The following PARP12 variants were observed in gnomAD, a reference collection of about 807,000 sequenced individuals.
The protein encoded by PARP12 is protein mono-ADP-ribosyltransferase PARP12.
PARP12 carries 59 observed loss-of-function variants against 72.4 expected under a neutral mutation model. The ratio of observed to expected loss-of-function variants is 0.81; its 90% CI spans 0.66 to 1.01. PARP12 has a LOEUF of 1.01. Ranked by LOEUF, PARP12 falls within the 50% of genes least tolerant of loss-of-function variation. PARP12 has a pLI of 0.00. For synonymous variants in PARP12, 403 were observed against 371.4 expected (o/e 1.09, Z -0.98); for missense variants, 851 against 914.0 (o/e 0.93, Z 0.89).
chr7:140,026,191 C>CCTTA lies in PARP12; in HGVS notation c.1780+2_1780+5dup, dbSNP rs1569526280. 6.2e-7 allele frequency: 1 copy of CCTTA among 1,614,142 alleles called. No individual in the cohort carries two copies. The highest frequency in any genetic ancestry group is 8.5e-7 in the Non-Finnish European group (1 of 1,180,026). Reference sequence around the variant, plus strand: ...GTTTTGCTGGTGGAGGCCAGTCATGCCTTACCCTTGCCGTAGGAAGTGCCA... The same window carrying CCTTA: ...GTTTTGCTGGTGGAGGCCAGTCATGCCTTACTTACCCTTGCCGTAGGAAGTGCCA... On this transcript the variant is annotated splice_donor_region_variant and intron_variant, in intron 11 of 11. Transcript: ENST00000263549.
At chr7:140,033,256 G>A (rs2116534860) in intron 8 of PARP12, 2 of 985,400 alleles carry the variant, frequency 2.0e-6, no homozygotes, top group African/African-American at 3.5e-5. Flanking sequence ...TACTTTGCTA[G>A]GTCTGACTCA....
intron 1 of PARP12, among the ~76,000 whole-genome samples, chr7:140,061,063 C>T (rs1314013523): frequency 6.6e-6 from 1 of 152,226 alleles, no homozygotes; most frequent in Non-Finnish European, 1.5e-5. Flanking sequence ...TCTCATCACA[C>T]CGTCACCAGC....
chr7:140,048,295 T>C (rs1050606855), intron 4 of PARP12, among the ~76,000 whole-genome samples: 8 of 152,264 alleles, frequency 5.3e-5, no homozygotes, highest in African/African-American at 1.9e-4. Flanking sequence ...ATGTTCCTCC[T>C]GGGCAGCCAG....
At chr7:140,030,970 T>C (rs562833373) in intron 8 of PARP12, among the ~76,000 whole-genome samples, 1 of 152,096 alleles carries the variant, frequency 6.6e-6, no homozygotes, top group East Asian at 1.9e-4. Flanking sequence ...ACTTTCAGAG[T>C]ATAAAATAAT....
Position 140,024,135 on chromosome 7 carries a change from G to C in PARP12, c.*425C>G, listed in dbSNP as rs1356855946. The C allele has an allele frequency of 6.9e-6, 2 of 290,554 alleles. No individual in the cohort carries two copies. Among genetic ancestry groups the C allele is most frequent in the African/African-American group, 2.2e-5 (1 of 45,132 alleles). 18.0% of individuals were successfully genotyped at this position (290,554 alleles called of 1,614,324 possible). A position where few individuals can be genotyped will look rare whatever the true frequency, so the allele number is the denominator to read the frequency against. On this transcript the variant is annotated 3_prime_UTR_variant, in exon 12 of 12. Coordinates refer to ENST00000263549, the MANE Select transcript of PARP12 (RefSeq NM_022750.4). Reference sequence around the variant, plus strand: ...GAAGTGACTGTGCCGCCCGTGGGCTGTCATCCACCGGTGGCTACTGTGTCA... The same window carrying C: ...GAAGTGACTGTGCCGCCCGTGGGCTCTCATCCACCGGTGGCTACTGTGTCA...
intron 8 of PARP12, 59 bp from the exon 9 acceptor site, chr7:140,028,747 C>A: frequency 7.0e-7 from 1 of 1,427,322 alleles, no homozygotes; most frequent in African/African-American, 1.4e-5. Context: ...GCAAATATAC[C>A]ATAGGTGGTC....
intron 4 of PARP12, among the ~76,000 whole-genome samples, chr7:140,052,159 T>G (rs964749832): frequency 3.9e-5 from 6 of 152,206 alleles, no homozygotes; most frequent in Non-Finnish European, 8.8e-5. Flanking sequence ...CCATTCAAAG[T>G]TCTGCTCTTG....
chr7:140,026,769 G>C (rs1200775692), intron 10 of PARP12, among the ~76,000 whole-genome samples: 2 of 152,088 alleles, frequency 1.3e-5, no homozygotes, highest in Admixed American at 6.5e-5. Flanking sequence ...ACTGTGCACA[G>C]AGTACACATT....
At chr7:140,035,999 GAGA>G (rs1251185705) in intron 7 of PARP12, among the ~76,000 whole-genome samples, 1,251 of 36,630 alleles carry the variant, frequency 0.034, 209 homozygotes, top group African/African-American at 0.054. Context: ...GGAGGAGGAG[GAGA>G]AGGAGGAGAA....
chr7:140,038,018 G>T, intron 6 of PARP12, 162 bp from the exon 7 acceptor site: 3 of 985,458 alleles, frequency 3.0e-6, no homozygotes, highest in Non-Finnish European at 3.6e-6. Context: ...GAGAGGCACA[G>T]AATGGAGGCA....
Position 140,062,899 on chromosome 7 carries a change from G to A in PARP12, c.-52C>T, listed in dbSNP as rs1817536973. On this transcript the variant is annotated 5_prime_UTR_variant, in exon 1 of 12. Transcript: ENST00000263549. ...CGCGGGTGGCGCGACGCGGACGGCGGCGGACGCTGGCTGGCGGGCGGCTCT... is the reference window on the plus strand; with the variant it reads ...CGCGGGTGGCGCGACGCGGACGGCGACGGACGCTGGCTGGCGGGCGGCTCT... 1.6e-6 allele frequency: 2 copies of A among 1,217,684 alleles called. No individual in the cohort carries two copies. The highest frequency in any genetic ancestry group is 2.0e-6 in the Non-Finnish European group (2 of 975,878). 75.4% of individuals were successfully genotyped at this position (1,217,684 alleles called of 1,614,324 possible).
chr7:140,061,983 CGG>C (rs34674660), intron 1 of PARP12, among the ~76,000 whole-genome samples: 32,274 of 91,180 alleles, frequency 0.35, 4,325 homozygotes, highest in Admixed American at 0.42. Flanking sequence ...CAGAAATGCC[CGG>C]GGGGGGGGGG....
chr7:140,024,949 G>C, intron 11 of PARP12, 64 bp from the exon 12 acceptor site: 1 of 1,469,906 alleles, frequency 6.8e-7, no homozygotes, highest in East Asian at 2.3e-5. Flanking sequence ...TCAGCACACT[G>C]CGAATAGCGT....
At chr7:140,033,889 T>C in intron 8 of PARP12, 1 of 996,572 alleles carries the variant, frequency 1.0e-6, no homozygotes, top group Non-Finnish European at 1.2e-6. Flanking sequence ...TATTTCATTA[T>C]TTCAACATTT....
intron 11 of PARP12, chr7:140,025,399 C>T: frequency 3.3e-6 from 1 of 307,282 alleles, no homozygotes; most frequent in South Asian, 2.9e-5. Context: ...GGCTGCTGTC[C>T]ATCTTGACCC....
At chr7:140,056,402 C>A (rs549364768) in intron 3 of PARP12, among the ~76,000 whole-genome samples, 1 of 152,178 alleles carries the variant, frequency 6.6e-6, no homozygotes, top group Non-Finnish European at 1.5e-5. Flanking sequence ...ACAGCCAATG[C>A]CATAATTAAG....
Position 140,056,934 on chromosome 7 carries a change from T to C in PARP12, c.682A>G (p.Arg228Gly), listed in dbSNP as rs143762853. 1.7e-5 allele frequency: 28 copies of C among 1,614,086 alleles called. No individual in the cohort carries two copies. In the African/African-American group the frequency reaches 3.1e-4, roughly 18 times the overall value. The change falls in exon 3 of 12, where the codon AGA becomes GGA. Residue 228 changes from arginine to glycine, a missense_variant. Coordinates refer to ENST00000263549, the MANE Select transcript of PARP12 (RefSeq NM_022750.4). ...TTATTCTTGATGTCATGTGCATTTC[T>C]ATAAATGGTAGGCAGCCTGCTCACC... ...DLVSRLPTIYRNAHDIKNKSS... is the reference protein window; with the variant it reads ...DLVSRLPTIYGNAHDIKNKSS...
At chr7:140,042,264 C>G (rs780212652) in intron 5 of PARP12, among the ~76,000 whole-genome samples, 2 of 152,196 alleles carry the variant, frequency 1.3e-5, no homozygotes, top group Non-Finnish European at 2.9e-5. Context: ...GAGGTTGAGA[C>G]TATTATCTCC....
intron 5 of PARP12, among the ~76,000 whole-genome samples, chr7:140,046,327 T>G (rs1457770673): frequency 6.6e-6 from 1 of 152,194 alleles, no homozygotes; most frequent in Non-Finnish European, 1.5e-5. Flanking sequence ...ATGAAAAATA[T>G]GTTAAGTATC....
Sources: allele counts gnomAD v4.1 joint callset (sites outside exome capture counted in the v4.1 genomes callset), GRCh38; gene constraint gnomAD v4.1.1; transcripts MANE v1.5; gene names NCBI Gene and HGNC (gene_info 2026-07-23, HGNC 2026-07-21).